Variants in GARIN5B observed in about 807,000 individuals in gnomAD.
GARIN5B encodes the protein Golgi-associated RAB2 interactor protein 5B.
the GARIN5B span, chr19:55,361,395 G>A: frequency 1.3e-6 from 2 of 1,530,638 alleles, no homozygotes; most frequent in Non-Finnish European, 1.8e-6. Context: ...CTGACAAACA[G>A]CAGGGCCTGC....
chr19:55,359,935 C>T, the GARIN5B span: 15 of 1,550,842 alleles, frequency 9.7e-6, no homozygotes, highest in East Asian at 3.2e-4. Context: ...GGCTCTCAAC[C>T]ACATGTCCCT....
the GARIN5B span, chr19:55,362,110 C>T: frequency 7.9e-7 from 1 of 1,258,624 alleles, no homozygotes; most frequent in Non-Finnish European, 1.1e-6. Flanking sequence ...GTCCAGGCCC[C>T]CAGCCCCTCC....
the GARIN5B span, chr19:55,358,379 G>A: frequency 3.8e-5 from 58 of 1,510,498 alleles, no homozygotes; most frequent in East Asian, 5.9e-4. Flanking sequence ...CGAGAGGGGC[G>A]ATGGCCGTAA....
At chr19:55,359,699 G>C in the GARIN5B span, 2 of 1,551,504 alleles carry the variant, frequency 1.3e-6, no homozygotes, top group South Asian at 2.4e-5. Flanking sequence ...CCCCTGGTGG[G>C]AGCCCATAGG....
chr19:55,359,102 A>C, the GARIN5B span: 1 of 1,551,198 alleles, frequency 6.4e-7, no homozygotes, highest in South Asian at 1.2e-5. Context: ...CACCGTCACC[A>C]CCGGCTCCGG....
chr19:55,362,616 G>A, the GARIN5B span: 37 of 1,547,174 alleles, frequency 2.4e-5, no homozygotes, highest in African/African-American at 4.1e-5. Context: ...TGTCCTCGGC[G>A]GGCTGGCCGA....
At chr19:55,358,621 C>T in the GARIN5B span, 1 of 1,551,402 alleles carries the variant, frequency 6.4e-7, no homozygotes, top group Non-Finnish European at 8.7e-7. Flanking sequence ...CTGGCTTCCC[C>T]TCCAGTAAGG....
chr19:55,358,956 C>T, the GARIN5B span: 8 of 1,551,098 alleles, frequency 5.2e-6, no homozygotes, highest in African/African-American at 6.8e-5. Context: ...TTCCCCTGGC[C>T]CCTGAAGGCC....
chr19:55,362,606 T>C, the GARIN5B span: 15 of 1,546,664 alleles, frequency 9.7e-6, no homozygotes, highest in Non-Finnish European at 1.3e-5. Context: ...GAGCAGTCCC[T>C]GTCCTCGGCG....
At chr19:55,359,453 G>A in the GARIN5B span, 1 of 1,546,128 alleles carries the variant, frequency 6.5e-7, no homozygotes, top group Admixed American at 2.0e-5. Flanking sequence ...TATGGCTGGG[G>A]CCTTCTGGGA....
At chr19:55,361,576 G>GGAGT in the GARIN5B span, 1 of 780,568 alleles carries the variant, frequency 1.3e-6, no homozygotes, top group Non-Finnish European at 1.9e-6. Context: ...CAGGCCCCCA[G>GGAGT]CCGCTCCTCC....
the GARIN5B span, chr19:55,361,052 T>A: frequency 6.4e-7 from 1 of 1,550,936 alleles, no homozygotes; most frequent in South Asian, 1.2e-5. Context: ...TGCGACCAGA[T>A]GAGGGGCACA....
chr19:55,356,870 G>A, the GARIN5B span, among the ~76,000 whole-genome samples: 1 of 152,006 alleles, frequency 6.6e-6, no homozygotes, highest in Non-Finnish European at 1.5e-5. Flanking sequence ...GGCCAACATG[G>A]TGAAACTCCG....
chr19:55,363,170 C>T, the GARIN5B span: 1 of 1,226,728 alleles, frequency 8.2e-7, no homozygotes, highest in Non-Finnish European at 1.1e-6. The surrounding 1 kb of genome is among the most constrained non-coding windows in gnomAD (Gnocchi z 4.0). Context: ...TCACGGGTGC[C>T]TGGAGCTCAG....
chr19:55,359,378 G>T, the GARIN5B span: 7 of 1,453,426 alleles, frequency 4.8e-6, no homozygotes, highest in Admixed American at 4.0e-5. Flanking sequence ...CTGGGGTGGG[G>T]CAGGTACGGC....
chr19:55,355,306 C>T, the GARIN5B span: 1 of 1,550,066 alleles, frequency 6.5e-7, no homozygotes, highest in Admixed American at 2.0e-5. Flanking sequence ...GAGGTTAAGC[C>T]CCCGCATCCG....
chr19:55,360,680 G>C, the GARIN5B span: 1 of 1,550,274 alleles, frequency 6.5e-7, no homozygotes. Flanking sequence ...CCTGCCCCGG[G>C]TATAAGGCTG....
At chr19:55,361,649 A>G in the GARIN5B span, among the ~76,000 whole-genome samples, 1 of 27,666 alleles carries the variant, frequency 3.6e-5, no homozygotes, top group Non-Finnish European at 9.4e-5. Context: ...CCAGGGCCCC[A>G]GCCTCTCCTC....
the GARIN5B span, among the ~76,000 whole-genome samples, chr19:55,357,735 A>C: frequency 6.6e-6 from 1 of 152,224 alleles, no homozygotes. Flanking sequence ...AATGCCTGGC[A>C]CAGAGTCGGC....
Sources: gnomAD v4.1 joint callset for allele counts (sites outside exome capture counted in the v4.1 genomes callset) on GRCh38, gnomAD v4.1.1 for gene constraint, Gnocchi (gnomAD v3.1) non-coding constraint, MANE v1.5 for transcripts, NCBI Gene and HGNC (gene_info 2026-07-23, HGNC 2026-07-21) for gene names.